The following PUS7 variants were observed in gnomAD, a reference collection of about 807,000 sequenced individuals.
The protein encoded by PUS7 is pseudouridylate synthase 7 homolog.
Under a neutral mutation model 79.8 loss-of-function variants are expected in PUS7, and 48 were observed. The ratio of observed to expected loss-of-function variants is 0.60; its 90% confidence interval spans 0.48 to 0.76. The LOEUF is 0.76. PUS7 is among the 30% of genes least tolerant of loss of function. The probability of loss-of-function intolerance (pLI) is 0.00; values close to 1 mark genes in which losing one functional copy is unlikely to be tolerated. For missense variants in PUS7, 729 were observed against 797.6 expected, an observed-to-expected ratio of 0.91 and a Z score of 1.04; for synonymous variants, 286 against 272.2, an observed-to-expected ratio of 1.05 and a Z score of -0.50.
chr7:105,502,888 T>C (rs573639301), intron 4 of PUS7, among the ~76,000 whole-genome samples: 1 of 152,208 alleles, frequency 6.6e-6, no homozygotes, highest in Non-Finnish European at 1.5e-5. Context: ...TTAGTAGAGA[T>C]GGGGTTTCAC....
intron 7 of PUS7, among the ~76,000 whole-genome samples, chr7:105,489,198 A>T (rs1399923041): frequency 6.6e-6 from 1 of 151,248 alleles, no homozygotes; most frequent in Non-Finnish European, 1.5e-5. Flanking sequence ...GAAACAAAAT[A>T]AACTGACTTT....
Position 105,457,699 on chromosome 7 carries a change from C to G in PUS7, c.*91G>C. On this transcript the variant is annotated 3_prime_UTR_variant, in exon 16 of 16. Coordinates refer to ENST00000469408, the MANE Select transcript of PUS7 (RefSeq NM_019042.5). The stretch of plus-strand genomic sequence containing the variant: ...AATTTTTATTACAAAGATTTGAAAT[C>G]CATATATGAGTCTGAACTAAGACAA... The G allele has an allele frequency of 1.7e-6, 2 of 1,193,802 alleles. No individual in the cohort carries two copies. Among genetic ancestry groups the G allele is most frequent in the South Asian group, 1.9e-5 (1 of 53,782 alleles). The allele number at this position is 1,193,802 out of a possible 1,614,324, so 74.0% of individuals were successfully genotyped here.
chr7:105,469,986 C>T (rs542507392), intron 11 of PUS7, among the ~76,000 whole-genome samples: 1 of 152,310 alleles, frequency 6.6e-6, no homozygotes, highest in South Asian at 2.1e-4. Flanking sequence ...GTTGGACAAG[C>T]CTGCCTTACA....
chr7:105,480,595 G>A (rs1258743876), intron 9 of PUS7, among the ~76,000 whole-genome samples: 3 of 152,116 alleles, frequency 2.0e-5, no homozygotes, highest in Non-Finnish European at 4.4e-5. Context: ...TGACCAACAT[G>A]GAGAAACCCC....
chr7:105,508,871 TAA>T (rs34249093), intron 1 of PUS7, among the ~76,000 whole-genome samples: 14,122 of 22,620 alleles, frequency 0.62, 4,710 homozygotes, highest in Non-Finnish European at 0.75. Flanking sequence ...GACATTGTCT[TAA>T]AAAAAAAAAA....
chr7:105,495,064 C>T, intron 6 of PUS7, 78 bp downstream of exon 6: 1 of 766,346 alleles, frequency 1.3e-6, no homozygotes, highest in Non-Finnish European at 2.2e-6. Context: ...CCTCCTGCTC[C>T]TTTTTCCATT....
chr7:105,468,907 T>C (rs1732502360), intron 11 of PUS7, among the ~76,000 whole-genome samples: 1 of 152,152 alleles, frequency 6.6e-6, no homozygotes, highest in Non-Finnish European at 1.5e-5. Flanking sequence ...TTTACTTTTA[T>C]GTATTTATTT....
At chr7:105,505,092 C>T (rs1825402203) in intron 4 of PUS7, among the ~76,000 whole-genome samples, 2 of 150,254 alleles carry the variant, frequency 1.3e-5, no homozygotes, top group Admixed American at 1.3e-4. Flanking sequence ...CCTCTGTCTC[C>T]TAGGTTCAAG....
chr7:105,508,533 A>G lies in PUS7; in HGVS notation c.-21T>C, dbSNP rs778914228. 5.0e-6 allele frequency: 8 copies of G among 1,598,174 alleles called. No individual in the cohort carries two copies. Among genetic ancestry groups the G allele is most frequent in the African/African-American group, 2.7e-5 (2 of 74,080 alleles). On this transcript the variant is annotated 5_prime_UTR_variant, in exon 2 of 16. It removes an upstream start codon present in the reference 5' UTR. Coordinates refer to ENST00000469408, the MANE Select transcript of PUS7 (RefSeq NM_019042.5). ...TCCATCTTTAAGGCTCCAAGAAAAC[A>G]TTTAAGAAAACCTGTTAGGAAAGAG...
At chr7:105,501,815 CGTG>C (rs1365340831) in intron 5 of PUS7, among the ~76,000 whole-genome samples, 1 of 151,780 alleles carries the variant, frequency 6.6e-6, no homozygotes, top group Non-Finnish European at 1.5e-5. Flanking sequence ...ATTAGCCAGG[CGTG>C]GTGGCAGGTG....
chr7:105,477,936 A>G (rs1190614671), intron 9 of PUS7, among the ~76,000 whole-genome samples: 1 of 152,124 alleles, frequency 6.6e-6, no homozygotes, highest in Non-Finnish European at 1.5e-5. Context: ...CTGAGTAGCT[A>G]GGACCAAAGC....
chr7:105,514,888 C>T (rs13237545), intron 1 of PUS7, among the ~76,000 whole-genome samples: 2 of 151,424 alleles, frequency 1.3e-5, no homozygotes, highest in Non-Finnish European at 2.9e-5. Context: ...GCCTCCTGGG[C>T]TCACGCCATT....
intron 5 of PUS7, chr7:105,496,834 A>G (rs773509964): frequency 7.9e-5 from 33 of 417,222 alleles, no homozygotes; most frequent in Admixed American, 1.6e-4. Context: ...TTGAGCAGGA[A>G]TATCATTTTC....
chr7:105,479,866 T>C (rs993572849), intron 9 of PUS7, among the ~76,000 whole-genome samples: 13 of 151,904 alleles, frequency 8.6e-5, no homozygotes, highest in Admixed American at 6.6e-5. Context: ...GGTGAGGTGG[T>C]GCATGCCTGC....
At chr7:105,515,437 T>G (rs1314959946) in intron 1 of PUS7, among the ~76,000 whole-genome samples, 1 of 152,176 alleles carries the variant, frequency 6.6e-6, no homozygotes, top group African/African-American at 2.4e-5. Context: ...TGTACTAGAT[T>G]CTGACGTTTT....
At chr7:105,466,791 A>G (rs1586094200) in intron 12 of PUS7, among the ~76,000 whole-genome samples, 1 of 151,986 alleles carries the variant, frequency 6.6e-6, no homozygotes, top group African/African-American at 2.4e-5. Context: ...ACTTAAGAGG[A>G]TGAAACACAG....
In PUS7 at chr7:105,460,849, G is replaced by A. The variant is rs74828760; in HGVS notation, c.1758-1590C>T. Among the ~76,000 whole-genome samples the A allele has an allele frequency of 0.027, 1,006 of 37,344 alleles. 41 individuals carry two copies. In the East Asian group the frequency reaches 0.31, roughly 11 times the overall value. The allele number at this position is 37,344 out of a possible 152,430, so 24.5% of individuals were successfully genotyped here. Reference sequence around the variant, plus strand: ...AGCCTGGGCGACAGAGCGAGACTCCGTCTCAAAAAAAAAAAAAAAAAAAAA... The same window carrying A: ...AGCCTGGGCGACAGAGCGAGACTCCATCTCAAAAAAAAAAAAAAAAAAAAA... On this transcript the variant is annotated intron_variant, in intron 14 of 15. Coordinates refer to ENST00000469408, the MANE Select transcript of PUS7 (RefSeq NM_019042.5).
chr7:105,478,821 T>G (rs574460938), intron 9 of PUS7, among the ~76,000 whole-genome samples: 1 of 152,350 alleles, frequency 6.6e-6, no homozygotes, highest in South Asian at 2.1e-4. Flanking sequence ...TGAAAATGAA[T>G]GATTTGGAAT....
chr7:105,463,584 T>C (rs1415473127), intron 13 of PUS7, among the ~76,000 whole-genome samples: 1 of 152,162 alleles, frequency 6.6e-6, no homozygotes, highest in Non-Finnish European at 1.5e-5. Context: ...CTATCGGCAT[T>C]TGATCACTGG....
Sources: gnomAD v4.1 joint callset for allele counts (sites outside exome capture counted in the v4.1 genomes callset) on GRCh38, gnomAD v4.1.1 for gene constraint, MANE v1.5 for transcripts, NCBI Gene and HGNC (gene_info 2026-07-23, HGNC 2026-07-21) for gene names.